PARD3: variants seen among roughly 807,000 people sequenced by gnomAD.
PARD3 encodes par-3 family cell polarity regulator, also known as partitioning defective 3 homolog.
Under a neutral mutation model 155.4 loss-of-function variants are expected in PARD3, and 75 were observed. The ratio of observed to expected loss-of-function variants is 0.48; its 90% CI spans 0.40 to 0.58. The LOEUF is 0.58. Among genes scored for constraint, PARD3 ranks in the 20% least tolerant of loss-of-function variants. The probability of loss-of-function intolerance (pLI) is 0.00; values close to 1 mark genes in which losing one functional copy is unlikely to be tolerated. For missense variants in PARD3, 1,642 were observed against 1,721.7 expected, an observed-to-expected ratio of 0.95 and a Z score of 0.82; for synonymous variants, 576 against 610.5, an observed-to-expected ratio of 0.94 and a Z score of 0.83.
intron 1 of PARD3, among the ~76,000 whole-genome samples, chr10:34,806,753 C>A (rs561210317): frequency 1.3e-5 from 2 of 152,294 alleles, no homozygotes; most frequent in South Asian, 2.1e-4. Flanking sequence ...TGGAGGGAAG[C>A]AGTAAGAGGT....
At chr10:34,787,495 G>C (rs550401558) in intron 1 of PARD3, among the ~76,000 whole-genome samples, 2 of 152,316 alleles carry the variant, frequency 1.3e-5, no homozygotes, top group South Asian at 4.1e-4. Flanking sequence ...AGCAAGACTT[G>C]TCAAGGAAAA....
chr10:34,436,385 G>A (rs2132602044), intron 5 of PARD3, among the ~76,000 whole-genome samples: 1 of 152,260 alleles, frequency 6.6e-6, no homozygotes, highest in African/African-American at 2.4e-5. Flanking sequence ...ATGTGTAAAG[G>A]GAGATATTTT....
At chr10:34,150,478 T>C (rs562352894) in intron 22 of PARD3, among the ~76,000 whole-genome samples, 47 of 152,198 alleles carry the variant, frequency 3.1e-4, no homozygotes, top group Non-Finnish European at 4.4e-4. Context: ...CTTTTCATTG[T>C]AGTTGAGTCA....
chr10:34,768,799 C>T (rs2134073950), intron 1 of PARD3, among the ~76,000 whole-genome samples: 1 of 152,350 alleles, frequency 6.6e-6, no homozygotes, highest in African/African-American at 2.4e-5. Context: ...GCTGCCAGCC[C>T]TGGCTGAAGC....
chr10:34,635,809 G>A (rs940788426), intron 2 of PARD3, among the ~76,000 whole-genome samples: 1 of 152,130 alleles, frequency 6.6e-6, no homozygotes, highest in Non-Finnish European at 1.5e-5. Context: ...CCTCACATTT[G>A]CTGTGTGAGT....
chr10:34,393,616 T>C (rs1162443834), intron 7 of PARD3, among the ~76,000 whole-genome samples: 1 of 149,778 alleles, frequency 6.7e-6, no homozygotes. Context: ...TTAGGCCAGG[T>C]ACAGCCGCTC....
intron 2 of PARD3, among the ~76,000 whole-genome samples, chr10:34,579,574 G>GTGTGTGTGTGTGTA (rs1554775641): frequency 1.3e-5 from 2 of 151,098 alleles, no homozygotes; most frequent in South Asian, 2.1e-4. Context: ...GTGTGTGTGT[G>GTGTGTGTGTGTGTA]TGTGTGTGTG....
chr10:34,463,675 C>T (rs898010373), intron 4 of PARD3, among the ~76,000 whole-genome samples: 9 of 152,034 alleles, frequency 5.9e-5, no homozygotes, highest in Non-Finnish European at 1.0e-4. Flanking sequence ...AGTCTGCATT[C>T]GCTTAAACAA....
At chr10:34,324,175 T>G (rs939191082) in intron 19 of PARD3, among the ~76,000 whole-genome samples, 1 of 152,198 alleles carries the variant, frequency 6.6e-6, no homozygotes, top group Admixed American at 6.5e-5. Flanking sequence ...GTTTAGAGAT[T>G]ATAAAATAGT....
chr10:34,353,663 T>C (rs1319107759), intron 14 of PARD3, among the ~76,000 whole-genome samples: 1 of 151,958 alleles, frequency 6.6e-6, no homozygotes, highest in Non-Finnish European at 1.5e-5. Flanking sequence ...ACTATTGTCC[T>C]ATGACCCTGC....
At chr10:34,280,831 ACT>A (rs1956121893) in intron 21 of PARD3, among the ~76,000 whole-genome samples, 1 of 152,000 alleles carries the variant, frequency 6.6e-6, no homozygotes, top group Non-Finnish European at 1.5e-5. Flanking sequence ...GAGAATGGTG[ACT>A]CTCTGTTCCT....
intron 16 of PARD3, among the ~76,000 whole-genome samples, chr10:34,339,414 G>T (rs190221140): frequency 1.3e-5 from 2 of 152,158 alleles, no homozygotes; most frequent in East Asian, 3.9e-4. Context: ...CACCAAACTT[G>T]TAAACAGAAT....
At chr10:34,443,183 C>T (rs2132681145) in intron 5 of PARD3, among the ~76,000 whole-genome samples, 1 of 152,226 alleles carries the variant, frequency 6.6e-6, no homozygotes, top group Middle Eastern at 3.4e-3. Flanking sequence ...ATTGACTAGC[C>T]TGGAGAAAAA....
intron 21 of PARD3, among the ~76,000 whole-genome samples, chr10:34,280,830 G>A (rs1956121622): frequency 6.6e-6 from 1 of 152,158 alleles, no homozygotes; most frequent in Non-Finnish European, 1.5e-5. Flanking sequence ...GGAGAATGGT[G>A]ACTCTCTGTT....
intron 22 of PARD3, among the ~76,000 whole-genome samples, chr10:34,265,787 T>C (rs1472773202): frequency 6.6e-6 from 1 of 152,234 alleles, no homozygotes; most frequent in Admixed American, 6.5e-5. Context: ...CTATTTTCAC[T>C]GTCTCCGGTT....
intron 2 of PARD3, among the ~76,000 whole-genome samples, chr10:34,670,040 G>A (rs548597434): frequency 6.6e-6 from 1 of 152,232 alleles, no homozygotes; most frequent in African/African-American, 2.4e-5. Flanking sequence ...GCAGGGCTGA[G>A]AGATTCTTTA....
intron 1 of PARD3, among the ~76,000 whole-genome samples, chr10:34,704,873 CTAGT>C (rs1371963912): frequency 6.6e-6 from 1 of 152,162 alleles, no homozygotes; most frequent in African/African-American, 2.4e-5. Flanking sequence ...AAATAAAGTC[CTAGT>C]TAGTGATATA....
intron 22 of PARD3, among the ~76,000 whole-genome samples, chr10:34,193,163 T>G (rs1950788824): frequency 6.6e-6 from 1 of 152,262 alleles, no homozygotes; most frequent in Non-Finnish European, 1.5e-5. Flanking sequence ...CTTAATTAGA[T>G]GCACGTTTCT....
intron 22 of PARD3, among the ~76,000 whole-genome samples, chr10:34,226,991 C>A (rs1347604861): frequency 1.3e-5 from 2 of 152,114 alleles, no homozygotes; most frequent in Admixed American, 1.3e-4. Flanking sequence ...GACTCAAAAG[C>A]AATTGGAACA....
Sources: gnomAD v4.1 joint callset for allele counts (sites outside exome capture counted in the v4.1 genomes callset) on GRCh38, gnomAD v4.1.1 for gene constraint, MANE v1.5 for transcripts, NCBI Gene and HGNC (gene_info 2026-07-23, HGNC 2026-07-21) for gene names.